Variants in PCDH9 observed in about 807,000 individuals in gnomAD.
PCDH9 encodes the protein protocadherin 9.
Under a neutral mutation model 70.6 loss-of-function variants are expected in PCDH9, and 24 were observed. That is an observed-to-expected ratio of 0.34 (90% CI 0.25 to 0.48). The LOEUF is 0.48. PCDH9 is among the 20% of genes least tolerant of loss of function. The pLI is 0.99. For synonymous variants in PCDH9, 562 were observed against 558.5 expected, an observed-to-expected ratio of 1.01 and a Z score of -0.09; for missense variants, 1,281 against 1,503.6, an observed-to-expected ratio of 0.85 and a Z score of 2.45.
At chr13:67,053,331 A>C (rs1026702241) in intron 2 of PCDH9, among the ~76,000 whole-genome samples, 1 of 152,196 alleles carries the variant, frequency 6.6e-6, no homozygotes, top group Non-Finnish European at 1.5e-5. Flanking sequence ...GAGAAGCATA[A>C]GGATATGAAA....
intron 2 of PCDH9, among the ~76,000 whole-genome samples, chr13:67,050,477 T>C (rs1594442254): frequency 6.6e-6 from 1 of 152,218 alleles, no homozygotes; most frequent in African/African-American, 2.4e-5. Context: ...CTAATAATTA[T>C]GTTCTTGGCA....
intron 2 of PCDH9, among the ~76,000 whole-genome samples, chr13:67,105,137 C>T (rs2138251075): frequency 6.6e-6 from 1 of 152,036 alleles, no homozygotes; most frequent in South Asian, 2.1e-4. Context: ...TTCTATGTCT[C>T]CTTTTTATAG....
intron 3 of PCDH9, among the ~76,000 whole-genome samples, chr13:66,807,701 G>A (rs978671277): frequency 6.6e-6 from 1 of 152,058 alleles, no homozygotes; most frequent in African/African-American, 2.4e-5. Context: ...TAAAATATTA[G>A]ACAAAGGCAT....
In PCDH9 at chr13:66,304,909, G is replaced by C. The variant is rs542497668; in HGVS notation, c.3460C>G (p.Pro1154Ala). The change falls in exon 5 of 5, where the codon CCC (proline) becomes GCC (alanine). Residue 1154 changes from proline to alanine, a missense_variant. By Grantham distance (27) the Pro-to-Ala change is conservative. This residue lies in a region of PCDH9 where 264 missense variants were observed against 278.8 expected (regional missense o/e 0.95). Transcript: ENST00000377865. ...MPPGLGPYQHPKSPLSTFAPQ... is the reference protein window; with the variant it reads ...MPPGLGPYQHAKSPLSTFAPQ... ...GCAAAGGTTGAGAGAGGAGATTTGG[G>C]GTGTTGATATGGACCCAAGCCAGGA... The C allele has an allele frequency of 1.2e-6, 2 of 1,613,548 alleles. No homozygotes were observed. The highest frequency in any genetic ancestry group is 2.2e-5 in the South Asian group (2 of 91,062).
At chr13:66,570,772 A>G (rs1030855591) in intron 4 of PCDH9, among the ~76,000 whole-genome samples, 6 of 152,150 alleles carry the variant, frequency 3.9e-5, no homozygotes, top group African/African-American at 1.4e-4. Context: ...AACAGAATCC[A>G]AATATGACAG....
rs575202126 is a variant in PCDH9, at chr13:66,951,864, G to A, written c.3037-48259C>T. Among the ~76,000 whole-genome samples, 8 of 152,170 alleles carry A rather than the reference G, an allele frequency of 5.3e-5. No homozygotes were observed. In the South Asian group the frequency reaches 8.3e-4, roughly 16 times the overall value. On this transcript the variant is annotated intron_variant, in intron 2 of 4. Coordinates refer to ENST00000377865, the MANE Select transcript of PCDH9 (RefSeq NM_203487.3). ...CAGTTTCTATCTTCTAAGTGCCTGC[G>A]GGGATCTAGCTGTTAAAAGAAAATT...
At chr13:66,543,189 C>T (rs142559592) in intron 4 of PCDH9, among the ~76,000 whole-genome samples, 372 of 152,062 alleles carry the variant, frequency 2.4e-3, no homozygotes, top group African/African-American at 8.4e-3. Context: ...ATCACTGACA[C>T]GTTATCGTTT....
At chr13:66,644,834 G>T (rs986637861) in intron 3 of PCDH9, among the ~76,000 whole-genome samples, 7 of 151,954 alleles carry the variant, frequency 4.6e-5, no homozygotes, top group African/African-American at 1.7e-4. Flanking sequence ...ATTTTATAAT[G>T]ATTTAAACAA....
intron 3 of PCDH9, among the ~76,000 whole-genome samples, chr13:66,811,634 G>A (rs923912616): frequency 7.6e-6 from 1 of 132,214 alleles, no homozygotes; most frequent in African/African-American, 2.9e-5. Flanking sequence ...CTTCCTGCCT[G>A]CCTAACCTGC....
intron 4 of PCDH9, among the ~76,000 whole-genome samples, chr13:66,627,302 G>T (rs1350713277): frequency 6.6e-6 from 1 of 152,068 alleles, no homozygotes; most frequent in East Asian, 1.9e-4. Context: ...ATTCAAAGGG[G>T]ACAATAGAGA....
intron 2 of PCDH9, among the ~76,000 whole-genome samples, chr13:67,076,402 T>G (rs1240126318): frequency 1.3e-5 from 2 of 152,144 alleles, no homozygotes; most frequent in Non-Finnish European, 2.9e-5. Context: ...ATCAAATAGC[T>G]GTATAATAAA....
At chr13:66,575,058 AGCTAC>A (rs916184435) in intron 4 of PCDH9, among the ~76,000 whole-genome samples, 3 of 152,000 alleles carry the variant, frequency 2.0e-5, no homozygotes, top group Non-Finnish European at 2.9e-5. Flanking sequence ...CTCTAATCCC[AGCTAC>A]TCGGGAGGCA....
At chr13:66,831,800 C>T (rs1383806275) in intron 3 of PCDH9, among the ~76,000 whole-genome samples, 1 of 151,854 alleles carries the variant, frequency 6.6e-6, no homozygotes, top group African/African-American at 2.4e-5. Context: ...TAGTGGGGAG[C>T]ATTTAAGTAT....
chr13:66,945,100 A>C (rs2083067913), intron 2 of PCDH9, among the ~76,000 whole-genome samples: 1 of 152,052 alleles, frequency 6.6e-6, no homozygotes, highest in Non-Finnish European at 1.5e-5. Flanking sequence ...CCTTTTATAA[A>C]AGAAATTTAC....
At chr13:66,818,272 TAAG>T (rs2080644101) in intron 3 of PCDH9, among the ~76,000 whole-genome samples, 1 of 152,168 alleles carries the variant, frequency 6.6e-6, no homozygotes. Flanking sequence ...TGTAAAAAAA[TAAG>T]AAGGACTAAA....
intron 3 of PCDH9, among the ~76,000 whole-genome samples, chr13:66,643,154 A>G (rs1389976407): frequency 6.6e-6 from 1 of 152,088 alleles, no homozygotes; most frequent in Non-Finnish European, 1.5e-5. Context: ...ATAAACATTA[A>G]TCAGTAGATG....
At chr13:66,435,323 G>A (rs2090429613) in intron 4 of PCDH9, among the ~76,000 whole-genome samples, 1 of 152,014 alleles carries the variant, frequency 6.6e-6, no homozygotes, top group South Asian at 2.1e-4. Context: ...TTATCATTAA[G>A]GGACATTAAA....
chr13:66,888,893 A>G (rs1204198172), intron 3 of PCDH9, among the ~76,000 whole-genome samples: 4 of 152,200 alleles, frequency 2.6e-5, no homozygotes, highest in African/African-American at 2.4e-5. Flanking sequence ...TTTTCCTACA[A>G]TAATTTTCTA....
At chr13:66,932,583 G>A (rs987021478) in intron 2 of PCDH9, among the ~76,000 whole-genome samples, 3 of 149,898 alleles carry the variant, frequency 2.0e-5, no homozygotes, top group African/African-American at 4.9e-5. Context: ...AAAAGAAGCC[G>A]AATCATTCAC....
Sources: gnomAD v4.1 joint callset for allele counts (sites outside exome capture counted in the v4.1 genomes callset) on GRCh38, gnomAD v4.1.1 for gene constraint, gnomAD v4.1.1 regional missense constraint, MANE v1.5 for transcripts, NCBI Gene and HGNC (gene_info 2026-07-23, HGNC 2026-07-21) for gene names.